Variants in ARHGAP26 observed in about 807,000 individuals in gnomAD.
ARHGAP26 encodes the protein rho GTPase-activating protein 26.
Under a neutral mutation model 104.8 loss-of-function variants are expected in ARHGAP26, and 38 were observed. The observed-to-expected ratio is 0.36, with a 90% CI of 0.28 to 0.48. The LOEUF (loss-of-function observed/expected upper bound fraction) is 0.48. Among genes scored for constraint, ARHGAP26 ranks in the 20% least tolerant of loss-of-function variants. The pLI is 0.99. For synonymous variants in ARHGAP26, 341 were observed against 340.0 expected (o/e 1.00, Z -0.03); for missense variants, 704 against 947.9 (o/e 0.74, Z 3.38).
At chr5:142,978,193 G>A (rs37195) in intron 11 of ARHGAP26, among the ~76,000 whole-genome samples, 8,212 of 152,174 alleles carry the variant, frequency 0.054, 474 homozygotes, top group East Asian at 0.26. Context: ...AGGGGCTTAG[G>A]GTTTGCCCAA....
chr5:142,936,108 A>AACAC (rs149919795), intron 11 of ARHGAP26, among the ~76,000 whole-genome samples: 7,503 of 139,768 alleles, frequency 0.054, 238 homozygotes, highest in African/African-American at 0.09. Flanking sequence ...AATCCCAAGG[A>AACAC]ACACACACAC....
At chr5:142,857,699 C>T (rs1287122038) in intron 1 of ARHGAP26, among the ~76,000 whole-genome samples, 2 of 152,182 alleles carry the variant, frequency 1.3e-5, no homozygotes, top group African/African-American at 2.4e-5. Flanking sequence ...GGAACAGTTT[C>T]CTGCTGCTTT....
chr5:142,937,300 G>A (rs781014144), intron 11 of ARHGAP26, among the ~76,000 whole-genome samples: 2 of 152,162 alleles, frequency 1.3e-5, no homozygotes, highest in African/African-American at 4.8e-5. Flanking sequence ...CACAGGAAAA[G>A]ATGTTCAATA....
chr5:143,151,522 A>G (rs1176344641), intron 20 of ARHGAP26, among the ~76,000 whole-genome samples: 1 of 152,264 alleles, frequency 6.6e-6, no homozygotes, highest in Non-Finnish European at 1.5e-5. Context: ...GAAGCAACCA[A>G]GATGTCTATC....
intron 12 of ARHGAP26, among the ~76,000 whole-genome samples, chr5:143,019,114 G>A (rs1056589869): frequency 2.0e-5 from 3 of 152,132 alleles, no homozygotes; most frequent in African/African-American, 7.2e-5. Flanking sequence ...TACCCATGGG[G>A]ACCCTTCCTG....
chr5:142,856,129 G>A (rs560242491), intron 1 of ARHGAP26, among the ~76,000 whole-genome samples: 2 of 152,312 alleles, frequency 1.3e-5, no homozygotes, highest in South Asian at 2.1e-4. Flanking sequence ...GGTGGTGTAC[G>A]AGACTGACCT....
rs187237601 is a variant in ARHGAP26, at chr5:143,216,968, T to C, written c.2191+2880T>C. Among the ~76,000 whole-genome samples, 14 of 152,286 alleles carry C rather than the reference T, an allele frequency of 9.2e-5. No individual in the cohort carries two copies. In the East Asian group the frequency reaches 2.1e-3, roughly 23 times the overall value. On this transcript the variant is annotated intron_variant, in intron 22 of 22. Transcript: ENST00000645722. ...GAGAAAATGAGGCATTACAGAACAC[T>C]ATTATTCTGTCAGGCGGTGGGTGGG...
chr5:142,928,203 T>C (rs140653642), intron 10 of ARHGAP26, among the ~76,000 whole-genome samples: 1 of 151,634 alleles, frequency 6.6e-6, no homozygotes, highest in African/African-American at 2.4e-5. Context: ...TATTTTTTCT[T>C]TATGATTAGG....
chr5:143,030,444 C>T (rs1781685376), intron 12 of ARHGAP26, among the ~76,000 whole-genome samples: 1 of 152,170 alleles, frequency 6.6e-6, no homozygotes. Flanking sequence ...CTTTTGTCTC[C>T]TATGTTTCAT....
chr5:143,079,268 A>T (rs246642), intron 17 of ARHGAP26, among the ~76,000 whole-genome samples: 64,974 of 152,108 alleles, frequency 0.43, 17,078 homozygotes, highest in East Asian at 0.92. Flanking sequence ...ATGAAACATT[A>T]TTTTTCTCAG....
At position 143,130,475 on chromosome 5, in the gene ARHGAP26, T is replaced by C. The variant is rs1361549423; in HGVS notation, c.1699-3492T>C. Among the ~76,000 whole-genome samples the C allele has an allele frequency of 2.6e-5, 4 of 152,290 alleles. No individual in the cohort carries two copies. In the South Asian group the frequency reaches 6.2e-4, roughly 24 times the overall value. On this transcript the variant is annotated intron_variant, in intron 18 of 22. Coordinates refer to ENST00000645722, the MANE Select transcript of ARHGAP26 (RefSeq NM_001135608.3). ...GAAAGTCTCTGTGAAATGAGTAGAT[T>C]GTTCCAGCCACATGGTAGAGCTCCA... is the stretch of plus-strand genomic sequence containing the variant.
intron 11 of ARHGAP26, among the ~76,000 whole-genome samples, chr5:143,002,230 C>T (rs1480758898): frequency 6.6e-6 from 1 of 152,190 alleles, no homozygotes; most frequent in Non-Finnish European, 1.5e-5. Context: ...CTGGGACCCA[C>T]TTGGGCAGCA....
At chr5:142,831,795 G>C (rs1768493176) in intron 1 of ARHGAP26, among the ~76,000 whole-genome samples, 3 of 152,066 alleles carry the variant, frequency 2.0e-5, no homozygotes, top group African/African-American at 4.8e-5. Flanking sequence ...TATCCAGTGG[G>C]TAGCAATTTC....
At chr5:143,101,185 C>G (rs1793179314) in intron 17 of ARHGAP26, among the ~76,000 whole-genome samples, 1 of 152,206 alleles carries the variant, frequency 6.6e-6, no homozygotes, top group South Asian at 2.1e-4. Context: ...GCCAGAACAC[C>G]TCTCTCTTGG....
chr5:143,204,581 GTTA>G (rs940002358), intron 20 of ARHGAP26, among the ~76,000 whole-genome samples: 1 of 152,194 alleles, frequency 6.6e-6, no homozygotes. Flanking sequence ...TGAGGAGTAA[GTTA>G]TTATAATAGT....
chr5:142,944,124 G>C lies in ARHGAP26; in HGVS notation c.1107+11999G>C, dbSNP rs1766770797. Among the ~76,000 whole-genome samples, 5 of 152,244 alleles carry C rather than the reference G, an allele frequency of 3.3e-5. No individual in the cohort carries two copies. The South Asian group carries it at 1.0e-3, about 32-fold the overall frequency. On this transcript the variant is annotated intron_variant, in intron 11 of 22. Coordinates refer to ENST00000645722, the MANE Select transcript of ARHGAP26 (RefSeq NM_001135608.3). ...CCTCCTATCCTCAGCTCTAATGTGA[G>C]GGAGAAGTCCCTCTCTAGAGTTAAA...
intron 14 of ARHGAP26, among the ~76,000 whole-genome samples, chr5:143,053,119 G>GGCACCTGGCAGTTACATAACCT (rs1395605361): frequency 6.6e-6 from 1 of 152,120 alleles, no homozygotes; most frequent in Non-Finnish European, 1.5e-5. Context: ...TCTGTGTGGT[G>GGCACCTGGCAGTTACATAACCT]GCACCTGGCA....
intron 11 of ARHGAP26, among the ~76,000 whole-genome samples, chr5:142,952,664 C>T (rs948590052): frequency 6.6e-6 from 1 of 152,146 alleles, no homozygotes; most frequent in African/African-American, 2.4e-5. Flanking sequence ...CATCCCATTA[C>T]CACTGGCAAT....
chr5:143,042,599 C>G (rs1257899733), intron 14 of ARHGAP26, among the ~76,000 whole-genome samples: 1 of 152,226 alleles, frequency 6.6e-6, no homozygotes, highest in East Asian at 1.9e-4. Flanking sequence ...AAATGGCAAA[C>G]AGATCAGGTT....
Sources: gnomAD v4.1 joint callset for allele counts (sites outside exome capture counted in the v4.1 genomes callset) on GRCh38, gnomAD v4.1.1 for gene constraint, MANE v1.5 for transcripts, NCBI Gene and HGNC (gene_info 2026-07-23, HGNC 2026-07-21) for gene names.